Variants in GIGYF2 observed in about 807,000 individuals in gnomAD.
GIGYF2 encodes GRB10 interacting GYF protein 2.
GIGYF2 carries 25 observed loss-of-function variants against 208.1 expected under a neutral mutation model. That is an observed-to-expected ratio of 0.12 (90% CI 0.09 to 0.17). The LOEUF (loss-of-function observed/expected upper bound fraction) is 0.17, where lower values mean the gene tolerates loss of function less well. Ranked by LOEUF, GIGYF2 falls within the 10% of genes least tolerant of loss-of-function variation. The pLI is 1.00. For synonymous variants in GIGYF2, 534 were observed against 543.8 expected (o/e 0.98, Z 0.25); for missense variants, 1,302 against 1,579.4 (o/e 0.82, Z 2.98).
rs1162117938 is a variant in GIGYF2, at chr2:232,720,189, G to T, written c.-43-14966G>T. Among the ~76,000 whole-genome samples the T allele has an allele frequency of 2.6e-5, 4 of 152,200 alleles. No homozygotes were observed. In the East Asian group the frequency reaches 7.7e-4, roughly 29 times the overall value. On this transcript the variant is annotated intron_variant, in intron 2 of 28. Coordinates refer to ENST00000373563, the MANE Select transcript of GIGYF2 (RefSeq NM_001103146.3). ...AATTCCCACCTGTAAGTGAGAATGT[G>T]TGGTGTTTGGTTTTCTGTCCTTGTG...
intron 21 of GIGYF2, among the ~76,000 whole-genome samples, chr2:232,827,214 T>TTTTTTTTTTTTTTTTTTTTTTTTG: frequency 1.3e-5 from 2 of 152,258 alleles, no homozygotes; most frequent in African/African-American, 2.4e-5. Context: ...CATTGTTTTT[T>TTTTTTTTTTTTTTTTTTTTTTTTG]AAGACATAAT....
chr2:232,778,243 A>G (rs530398617), intron 8 of GIGYF2, among the ~76,000 whole-genome samples: 2 of 152,274 alleles, frequency 1.3e-5, no homozygotes, highest in Admixed American at 1.3e-4. Flanking sequence ...GCCTGAGAAT[A>G]CATATTATAG....
At chr2:232,781,214 C>T (rs1559426972) in intron 8 of GIGYF2, among the ~76,000 whole-genome samples, 1 of 151,862 alleles carries the variant, frequency 6.6e-6, no homozygotes, top group South Asian at 2.1e-4. Context: ...CCGCCTCGGC[C>T]TCTGAAAGTG....
chr2:232,844,373 C>G lies in GIGYF2; in HGVS notation c.3104C>G (p.Ser1035Cys), dbSNP rs144086186. 2,753 of 1,613,300 alleles carry G rather than the reference C, an allele frequency of 1.7e-3. 3 individuals are homozygous for G. Among genetic ancestry groups the G allele is most frequent in the Non-Finnish European group, 2.1e-3 (2,513 of 1,179,252 alleles). Residue 1035 changes from serine (S) to cysteine (C), a missense_variant, in exon 25 of 29, where the codon TCC becomes TGC. By Grantham distance (112) the Ser-to-Cys change is moderately radical. This residue lies in a region of GIGYF2 where 701 missense variants were observed against 793.0 expected (regional missense o/e 0.88). Coordinates refer to ENST00000373563, the MANE Select transcript of GIGYF2 (RefSeq NM_001103146.3). ...TTTTCTCTTTTTCTTTAACAGCATTCCAACCTGCACACCAGCATTGGGAAT... is the reference window on the plus strand; with the variant it reads ...TTTTCTCTTTTTCTTTAACAGCATTGCAACCTGCACACCAGCATTGGGAAT... Reference protein sequence around the residue: ...QPNRARNNTHSNLHTSIGNSV... With the variant: ...QPNRARNNTHCNLHTSIGNSV...
chr2:232,722,130 G>C (rs1237540540), intron 2 of GIGYF2, among the ~76,000 whole-genome samples: 3 of 152,298 alleles, frequency 2.0e-5, no homozygotes, highest in African/African-American at 4.8e-5. Flanking sequence ...CTAAGTTGGA[G>C]AAAGAAGCCC....
chr2:232,816,847 A>G (rs1700929238), intron 19 of GIGYF2, 24 bp from the exon 20 acceptor site: 17 of 1,590,802 alleles, frequency 1.1e-5, no homozygotes, highest in Admixed American at 1.7e-5. Flanking sequence ...TCAAGTTTCT[A>G]AGAGTACTCT....
rs1464478646 is a variant in GIGYF2, at chr2:232,794,888, A to T, written c.1423A>T (p.Met475Leu). 1.2e-6 allele frequency: 2 copies of T among 1,613,820 alleles called. No individual in the cohort carries two copies. Among genetic ancestry groups the T allele is most frequent in the African/African-American group, 2.7e-5 (2 of 74,906 alleles). ...VETPVVGAPG[M>L]GSVSTEPDDE... is the part of the protein sequence containing the mutation. ...AACACCAGTTGTAGGTGCTCCTGGT[A>T]TGGGCAGTGTTTCCACAGAACCTGA... Residue 475 changes from methionine (M) to leucine (L), a missense_variant, in exon 13 of 29, where the codon ATG becomes TTG. This residue lies in a region of GIGYF2 where 235 missense variants were observed against 218.8 expected (regional missense o/e 1.07). Coordinates refer to ENST00000373563, the MANE Select transcript of GIGYF2 (RefSeq NM_001103146.3).
At chr2:232,855,172 T>G (rs563940643) in intron 28 of GIGYF2, among the ~76,000 whole-genome samples, 11 of 149,996 alleles carry the variant, frequency 7.3e-5, no homozygotes, top group African/African-American at 2.7e-4. Context: ...CTAAAATCTC[T>G]GCCTCCTGGG....
chr2:232,830,835 A>G (rs1396262344), intron 21 of GIGYF2, among the ~76,000 whole-genome samples: 1 of 152,190 alleles, frequency 6.6e-6, no homozygotes, highest in African/African-American at 2.4e-5. Context: ...AAATAATGAT[A>G]ATAACTTGTA....
intron 16 of GIGYF2, 96 bp from the exon 17 acceptor site, chr2:232,811,148 C>G (rs1700722083): frequency 1.4e-6 from 1 of 724,836 alleles, no homozygotes; most frequent in East Asian, 2.6e-5. Context: ...ATAATGTCTC[C>G]TGGGGGGCTT....
At chr2:232,746,406 T>C (rs920278819) in intron 3 of GIGYF2, among the ~76,000 whole-genome samples, 24 of 152,156 alleles carry the variant, frequency 1.6e-4, no homozygotes, top group Admixed American at 1.3e-4. Context: ...TTAGCAGTTT[T>C]GGGCACATAT....
chr2:232,733,368 C>G (rs1160401615), intron 2 of GIGYF2, among the ~76,000 whole-genome samples: 2 of 151,740 alleles, frequency 1.3e-5, no homozygotes, highest in Admixed American at 6.6e-5. Flanking sequence ...CAAGTAAGAA[C>G]AGGATAATCT....
At position 232,760,389 on chromosome 2, in the gene GIGYF2, G is replaced by A. The variant is rs556033051; in HGVS notation, c.380-91G>A. On this transcript the variant is annotated intron_variant, in intron 6 of 28. Transcript: ENST00000373563. Reference sequence around the variant, plus strand: ...AAATGTAGATGTCCTGCCTTGTATAGAGATAGAACTTTAGATATTAATTTA... The same window carrying A: ...AAATGTAGATGTCCTGCCTTGTATAAAGATAGAACTTTAGATATTAATTTA... 8.4e-6 allele frequency: 7 copies of A among 837,176 alleles called. No homozygotes were observed. In the South Asian group the frequency reaches 8.5e-5, roughly 10 times the overall value. 51.9% of individuals were successfully genotyped at this position (837,176 alleles called of 1,614,324 possible).
intron 9 of GIGYF2, among the ~76,000 whole-genome samples, chr2:232,790,382 A>C (rs1022834069): frequency 2.0e-5 from 3 of 152,172 alleles, no homozygotes; most frequent in African/African-American, 7.2e-5. Context: ...TCAGTATTTT[A>C]ATCAAGTACC....
chr2:232,856,210 G>T (rs1251596498), intron 28 of GIGYF2, among the ~76,000 whole-genome samples: 1 of 152,070 alleles, frequency 6.6e-6, no homozygotes, highest in Non-Finnish European at 1.5e-5. Context: ...TGAGATTAAG[G>T]CATGAGCCAC....
In GIGYF2 at chr2:232,808,011, C is replaced by CA. The variant is rs572608842; in HGVS notation, c.1806+1356dup. Among the ~76,000 whole-genome samples, 38 of 152,306 alleles carry CA rather than the reference C, an allele frequency of 2.5e-4. No homozygotes were observed. In the South Asian group the frequency reaches 7.5e-3, roughly 30 times the overall value. On this transcript the variant is annotated intron_variant, in intron 15 of 28. Transcript: ENST00000373563. ...ATGAGCAAGACCTAGCCTCTGTAGT[C>CA]AAGGGAGTGTGTAGGTGAGGAAAGT...
At chr2:232,747,539 T>C in intron 3 of GIGYF2, 76 bp from the exon 4 acceptor site, 1 of 1,513,570 alleles carries the variant, frequency 6.6e-7, no homozygotes, top group South Asian at 1.1e-5. Flanking sequence ...TAAAATGAAT[T>C]TTTTTTGACA....
chr2:232,710,692 C>CTTTTTTTTT (rs35154227), intron 2 of GIGYF2, among the ~76,000 whole-genome samples: 1 of 113,976 alleles, frequency 8.8e-6, no homozygotes, highest in East Asian at 2.6e-4. Context: ...TCTTGGTGTT[C>CTTTTTTTTT]TTTTTTTTTT....
At chr2:232,771,797 G>A (rs1490509356) in intron 8 of GIGYF2, among the ~76,000 whole-genome samples, 1 of 152,016 alleles carries the variant, frequency 6.6e-6, no homozygotes, top group Non-Finnish European at 1.5e-5. Flanking sequence ...AATTAAAAGG[G>A]GTATGTTTAA....
Sources: allele counts gnomAD v4.1 joint callset (sites outside exome capture counted in the v4.1 genomes callset), GRCh38; gene constraint gnomAD v4.1.1; regional missense constraint gnomAD v4.1.1; transcripts MANE v1.5; gene names NCBI Gene and HGNC (gene_info 2026-07-23, HGNC 2026-07-21).